ANKRD17: variants seen among roughly 807,000 people sequenced by gnomAD.
ANKRD17 encodes ankyrin repeat domain 17.
Under a neutral mutation model 229.7 loss-of-function variants are expected in ANKRD17, and 19 were observed. That is an observed-to-expected ratio of 0.08 (90% confidence interval 0.06 to 0.12). The LOEUF (loss-of-function observed/expected upper bound fraction) is 0.12, where lower values mean the gene tolerates loss of function less well. Ranked by LOEUF, ANKRD17 falls within the 10% of genes least tolerant of loss-of-function variation. The probability of loss-of-function intolerance (pLI) is 1.00; values close to 1 mark genes in which losing one functional copy is unlikely to be tolerated. For missense variants in ANKRD17, 2,176 were observed against 3,176.8 expected, an observed-to-expected ratio of 0.68 and a Z score of 7.57; for synonymous variants, 1,112 against 1,146.1, an observed-to-expected ratio of 0.97 and a Z score of 0.60.
chr4:73,243,781 G>C (rs774952632), intron 1 of ANKRD17, among the ~76,000 whole-genome samples: 10 of 152,204 alleles, frequency 6.6e-5, no homozygotes, highest in African/African-American at 2.4e-4. Flanking sequence ...ATATGGCTGC[G>C]TAAGAAATTT....
Position 73,139,525 on chromosome 4 carries a change from A to AC in ANKRD17, c.3085+5dup. ...TTGATACCTGCTCATAACAATATAA[A>AC]CCCACCTGCCATGATGTCATCCAGC... On this transcript the variant is annotated splice_donor_region_variant and intron_variant, in intron 15 of 33. Coordinates refer to ENST00000358602, the MANE Select transcript of ANKRD17 (RefSeq NM_032217.5). 6.2e-7 allele frequency: 1 copy of AC among 1,605,242 alleles called. No homozygotes were observed. The highest frequency in any genetic ancestry group is 8.5e-7 in the Non-Finnish European group (1 of 1,175,298).
chr4:73,191,335 AT>A (rs1560692199), intron 1 of ANKRD17, among the ~76,000 whole-genome samples: 21 of 88,684 alleles, frequency 2.4e-4, no homozygotes, highest in African/African-American at 8.3e-4. Context: ...CTACCAAAAA[AT>A]ATATATGTGT....
intron 3 of ANKRD17, among the ~76,000 whole-genome samples, chr4:73,156,629 C>T (rs115509973): frequency 0.02 from 3,072 of 150,780 alleles, 45 homozygotes; most frequent in Middle Eastern, 0.041. Context: ...ACCCACTTTG[C>T]TCTCTCTCTC....
chr4:73,150,112 T>A (rs1158246714), intron 7 of ANKRD17, among the ~76,000 whole-genome samples: 2 of 152,240 alleles, frequency 1.3e-5, no homozygotes, highest in East Asian at 3.8e-4. Flanking sequence ...TTTCAATTTG[T>A]AGAGAAGACT....
intron 24 of ANKRD17, among the ~76,000 whole-genome samples, chr4:73,106,328 G>A (rs566260670): frequency 3.9e-5 from 6 of 152,160 alleles, no homozygotes; most frequent in Non-Finnish European, 8.8e-5. Flanking sequence ...TGAGGGCTCA[G>A]GAAACAAAGT....
intron 2 of ANKRD17, among the ~76,000 whole-genome samples, chr4:73,174,618 T>C (rs1734492533): frequency 1.3e-5 from 2 of 152,072 alleles, no homozygotes; most frequent in Non-Finnish European, 2.9e-5. Context: ...ACCAAACTGA[T>C]AAGGAAGAAG....
intron 24 of ANKRD17, among the ~76,000 whole-genome samples, chr4:73,105,541 A>G (rs1724509868): frequency 6.6e-6 from 1 of 152,042 alleles, no homozygotes; most frequent in Non-Finnish European, 1.5e-5. Context: ...AAACCTCACA[A>G]AAGTGGTGGG....
intron 1 of ANKRD17, among the ~76,000 whole-genome samples, chr4:73,178,769 TAAC>T (rs1423250980): frequency 6.6e-6 from 1 of 152,070 alleles, no homozygotes; most frequent in African/African-American, 2.4e-5. Flanking sequence ...AATTAGAAAA[TAAC>T]AAACTCCTAA....
intron 2 of ANKRD17, among the ~76,000 whole-genome samples, chr4:73,166,802 T>A (rs979407003): frequency 2.0e-5 from 3 of 151,382 alleles, no homozygotes; most frequent in Admixed American, 2.0e-4. Context: ...CTTAAAACAA[T>A]TTTTTTTAAT....
intron 2 of ANKRD17, among the ~76,000 whole-genome samples, chr4:73,174,202 G>A (rs1734431050): frequency 6.6e-6 from 1 of 151,928 alleles, no homozygotes; most frequent in African/African-American, 2.4e-5. Flanking sequence ...CTAGCTAACA[G>A]AATCCAACAG....
At chr4:73,108,968 T>C (rs1222928934) in intron 24 of ANKRD17, among the ~76,000 whole-genome samples, 1 of 152,124 alleles carries the variant, frequency 6.6e-6, no homozygotes, top group African/African-American at 2.4e-5. Flanking sequence ...GGAGAAACCA[T>C]ATAGGATCTG....
intron 24 of ANKRD17, among the ~76,000 whole-genome samples, chr4:73,110,897 A>G (rs1303246732): frequency 1.3e-5 from 2 of 152,256 alleles, no homozygotes; most frequent in South Asian, 2.1e-4. Flanking sequence ...ATGGAAAAAT[A>G]TACAACGATA....
intron 1 of ANKRD17, among the ~76,000 whole-genome samples, chr4:73,240,431 T>C (rs1017565462): frequency 4.0e-5 from 6 of 149,438 alleles, no homozygotes; most frequent in African/African-American, 1.5e-4. Context: ...CTAGAATAAC[T>C]TGGGCAACAC....
intron 1 of ANKRD17, among the ~76,000 whole-genome samples, chr4:73,236,535 C>A (rs537249090): frequency 1.3e-4 from 20 of 152,148 alleles, no homozygotes; most frequent in African/African-American, 4.8e-4. Flanking sequence ...ATCCCAGAAA[C>A]AACTGGCAAA....
At chr4:73,249,022 G>T (rs1299863977) in intron 1 of ANKRD17, among the ~76,000 whole-genome samples, 1 of 152,134 alleles carries the variant, frequency 6.6e-6, no homozygotes, top group East Asian at 1.9e-4. Flanking sequence ...AAACAGGTGG[G>T]CTTCCTTTTC....
intron 1 of ANKRD17, among the ~76,000 whole-genome samples, chr4:73,210,048 T>C (rs1234921982): frequency 1.3e-5 from 2 of 152,128 alleles, no homozygotes; most frequent in African/African-American, 2.4e-5. Flanking sequence ...AAGAAGCCCA[T>C]AGTCACCAGT....
At chr4:73,185,419 T>A (rs945775644) in intron 1 of ANKRD17, among the ~76,000 whole-genome samples, 2 of 151,938 alleles carry the variant, frequency 1.3e-5, no homozygotes, top group Non-Finnish European at 2.9e-5. Flanking sequence ...AAATTTTGAC[T>A]ATATTATAAA....
intron 24 of ANKRD17, among the ~76,000 whole-genome samples, chr4:73,107,507 G>A (rs1724789588): frequency 6.6e-6 from 1 of 152,200 alleles, no homozygotes; most frequent in African/African-American, 2.4e-5. Flanking sequence ...AAGGTGATAA[G>A]TGCAATGTAA....
Position 73,098,387 on chromosome 4 carries a change from C to G in ANKRD17, c.4707G>C (p.Arg1569Ser). 6.2e-7 allele frequency: 1 copy of G among 1,614,126 alleles called. No individual in the cohort carries two copies. Residue 1569 changes from arginine (R) to serine (S), a missense_variant, in exon 26 of 34, where the codon AGG becomes AGC. By Grantham distance (110) the Arg-to-Ser change is moderately radical. Coordinates refer to ENST00000358602, the MANE Select transcript of ANKRD17 (RefSeq NM_032217.5). ...GAGTAATTTTATTTTTCCTGTTTTT[C>G]CTCTTTGAACTGGTTGTAGTTATGG... ...NNTITTTSSK[R>S]KNRKNKITPE...
Sources: allele counts gnomAD v4.1 joint callset (sites outside exome capture counted in the v4.1 genomes callset), GRCh38; gene constraint gnomAD v4.1.1; transcripts MANE v1.5; gene names NCBI Gene and HGNC (gene_info 2026-07-23, HGNC 2026-07-21).